Variants in DNTTIP1 observed in about 807,000 individuals in gnomAD.
DNTTIP1 encodes the protein deoxynucleotidyltransferase terminal-interacting protein 1.
Under a neutral mutation model 52.9 loss-of-function variants are expected in DNTTIP1, and 22 were observed. The observed-to-expected ratio is 0.42, with a 90% CI of 0.30 to 0.59. The LOEUF (loss-of-function observed/expected upper bound fraction) is 0.59, where lower values mean the gene tolerates loss of function less well. Ranked by LOEUF, DNTTIP1 falls within the 20% of genes least tolerant of loss-of-function variation. DNTTIP1 has a pLI of 0.22. For synonymous variants in DNTTIP1, 136 were observed against 155.1 expected (o/e 0.88, Z 0.92); for missense variants, 286 against 435.5 (o/e 0.66, Z 3.06).
At position 45,791,998 on chromosome 20, in the gene DNTTIP1, G is replaced by C. The variant is rs2664539; in HGVS notation, c.-7G>C. The C allele has an allele frequency of 4.9e-5, 62 of 1,253,272 alleles. No homozygotes were observed. The highest frequency in any genetic ancestry group is 6.2e-5 in the Non-Finnish European group (62 of 997,372). 77.6% of individuals were successfully genotyped at this position (1,253,272 alleles called of 1,614,324 possible). On this transcript the variant is annotated 5_prime_UTR_variant, in exon 1 of 13. Transcript: ENST00000372622. ...AGTCCAGCGGAGTTGTGGGGGCCGG[G>C]GGCGCCATGGGAGCCACTGGCGACG...
intron 4 of DNTTIP1, among the ~76,000 whole-genome samples, chr20:45,797,723 A>G (rs934080880): frequency 6.6e-6 from 1 of 152,270 alleles, no homozygotes; most frequent in Non-Finnish European, 1.5e-5. Flanking sequence ...CAAAAGACAC[A>G]TGAAAAAATG....
Position 45,808,997 on chromosome 20 carries a change from C to T in DNTTIP1, c.724-117C>T, listed in dbSNP as rs1026841503. 4.2e-5 allele frequency: 36 copies of T among 859,116 alleles called. No individual in the cohort carries two copies. In the Middle Eastern group the frequency reaches 9.1e-4, roughly 22 times the overall value. 53.2% of individuals were successfully genotyped at this position (859,116 alleles called of 1,614,324 possible). Reference sequence around the variant, plus strand: ...ATTAGTGAGCCCTCTAAGTCCACCACGCTTGGAGACAAGGACTTTTGGTAA... The same window carrying T: ...ATTAGTGAGCCCTCTAAGTCCACCATGCTTGGAGACAAGGACTTTTGGTAA... On this transcript the variant is annotated intron_variant, in intron 10 of 12. Transcript: ENST00000372622.
chr20:45,809,041 G>T lies in DNTTIP1; in HGVS notation c.724-73G>T. ...TTGGTAAGAACTGCTCAAGGGCCAAGAGTATGCTCTGGGACCAAATGAGAA... is the reference window on the plus strand; with the variant it reads ...TTGGTAAGAACTGCTCAAGGGCCAATAGTATGCTCTGGGACCAAATGAGAA... On this transcript the variant is annotated intron_variant, in intron 10 of 12. Coordinates refer to ENST00000372622, the MANE Select transcript of DNTTIP1 (RefSeq NM_052951.3). This position sits in a 1 kb window ranked among gnomAD's most constrained non-coding sequence, Gnocchi z 4.2. 1.5e-6 allele frequency: 2 copies of T among 1,346,844 alleles called. No individual in the cohort carries two copies. The highest frequency in any genetic ancestry group is 4.6e-5 in the East Asian group (2 of 43,348). The allele number at this position is 1,346,844 out of a possible 1,614,324, so 83.4% of individuals were successfully genotyped here.
Position 45,792,043 on chromosome 20 carries a change from T to C in DNTTIP1, c.39T>C (p.Pro13=), listed in dbSNP as rs2664591. The C allele has an allele frequency of 0.72, 916,839 of 1,279,006 alleles. 329,398 individuals carry two copies. The highest frequency in any genetic ancestry group is 0.79 in the Admixed American group (24,794 of 31,220). The allele number at this position is 1,279,006 out of a possible 1,614,324, so 79.2% of individuals were successfully genotyped here. The part of the protein sequence containing the change: ...ATGDAEQPRG[P]SGAERGGLEL... ...GCGACGCCGAGCAGCCGCGGGGACC[T>C]AGCGGGGCCGAGAGGGGCGGCTTGG... is the stretch of plus-strand genomic sequence containing the variant. Residue 13 remains proline, a synonymous_variant, in exon 1 of 13, where the codon CCT becomes CCC. Transcript: ENST00000372622.
chr20:45,795,924 T>G lies in DNTTIP1; in HGVS notation c.372+481T>G, dbSNP rs1408644127. The stretch of plus-strand genomic sequence containing the variant: ...GGGAAAGGAAGGGAAGTAGCTACTA[T>G]ATGTCAGGTACCAGGATAAATGCAT... On this transcript the variant is annotated intron_variant, in intron 4 of 12. Transcript: ENST00000372622. Among the ~76,000 whole-genome samples, 4 of 152,202 alleles carry G rather than the reference T, an allele frequency of 2.6e-5. No individual in the cohort carries two copies. In the East Asian group the frequency reaches 7.7e-4, roughly 29 times the overall value.
intron 8 of DNTTIP1, among the ~76,000 whole-genome samples, 169 bp from the exon 9 acceptor site, chr20:45,804,977 A>G (rs1981585141): frequency 6.6e-6 from 1 of 152,310 alleles, no homozygotes; most frequent in Non-Finnish European, 1.5e-5. Flanking sequence ...TATCCCCAGT[A>G]TCTAGCACAG....
intron 8 of DNTTIP1, among the ~76,000 whole-genome samples, 176 bp downstream of exon 8, chr20:45,803,554 T>C (rs11906429): frequency 0.46 from 70,005 of 152,052 alleles, 18,640 homozygotes; most frequent in Non-Finnish European, 0.6. Flanking sequence ...TGTGTAGGAA[T>C]TGGAGTTAGA....
intron 12 of DNTTIP1, 46 bp downstream of exon 12, chr20:45,810,986 A>T (rs1324212980): frequency 6.2e-7 from 1 of 1,613,704 alleles, no homozygotes; most frequent in Non-Finnish European, 8.5e-7. Flanking sequence ...CCTGCCTCCA[A>T]ATAGCCCCTA....
At chr20:45,803,774 CTG>C (rs1981550077) in intron 8 of DNTTIP1, among the ~76,000 whole-genome samples, 1 of 152,198 alleles carries the variant, frequency 6.6e-6, no homozygotes, top group Non-Finnish European at 1.5e-5. Flanking sequence ...GCCAGCTTCC[CTG>C]TGGGCATAAA....
chr20:45,801,006 A>T, intron 4 of DNTTIP1, 68 bp from the exon 5 acceptor site: 12 of 1,298,752 alleles, frequency 9.2e-6, no homozygotes, highest in Non-Finnish European at 1.3e-5. Flanking sequence ...AAAAAAAAAA[A>T]GGAAGTAGGT....
At chr20:45,796,846 C>G (rs1210010476) in intron 4 of DNTTIP1, among the ~76,000 whole-genome samples, 1 of 152,212 alleles carries the variant, frequency 6.6e-6, no homozygotes, top group Non-Finnish European at 1.5e-5. Context: ...TCAGTGACAT[C>G]TGTCACAATG....
At chr20:45,801,527 C>A in intron 6 of DNTTIP1, 69 bp downstream of exon 6, 1 of 1,543,730 alleles carries the variant, frequency 6.5e-7, no homozygotes, top group Non-Finnish European at 8.9e-7. Flanking sequence ...GTGGCTCACA[C>A]CTGTAATCCC....
At position 45,809,868 on chromosome 20, in the gene DNTTIP1, T is replaced by C. The variant is rs1216837479; in HGVS notation, c.795+683T>C. On this transcript the variant is annotated intron_variant, in intron 11 of 12. Transcript: ENST00000372622. The surrounding 1 kb of genome is among the most constrained non-coding windows in gnomAD (Gnocchi z 4.2). ...CTTTCTGGCAGTGAGAGCTACCTTTTATTTTATTTTACTACTCTATTTATG... is the reference window on the plus strand; with the variant it reads ...CTTTCTGGCAGTGAGAGCTACCTTTCATTTTATTTTACTACTCTATTTATG... 1.3e-5 allele frequency among the ~76,000 whole-genome samples: 2 copies of C among 152,192 alleles called. No individual in the cohort carries two copies. Among genetic ancestry groups the C allele is most frequent in the African/African-American group, 4.8e-5 (2 of 41,440 alleles).
At chr20:45,795,963 G>A (rs1981224849) in intron 4 of DNTTIP1, among the ~76,000 whole-genome samples, 1 of 152,010 alleles carries the variant, frequency 6.6e-6, no homozygotes, top group Non-Finnish European at 1.5e-5. Context: ...TTTTTTTTAT[G>A]TCTCAGAAGA....
At chr20:45,800,019 C>T in intron 4 of DNTTIP1, among the ~76,000 whole-genome samples, 1 of 149,396 alleles carries the variant, frequency 6.7e-6, no homozygotes, top group Admixed American at 6.7e-5. Flanking sequence ...ACTCAGGAGG[C>T]AGAGGCAGGA....
In DNTTIP1 at chr20:45,811,406, T is replaced by C. The variant is rs2145708766; in HGVS notation, c.*211T>C. The C allele has an allele frequency of 5.8e-6, 3 of 520,046 alleles. No individual in the cohort carries two copies. Among genetic ancestry groups the C allele is most frequent in the South Asian group, 3.2e-5 (1 of 31,522 alleles). The allele number at this position is 520,046 out of a possible 1,614,324, so 32.2% of individuals were successfully genotyped here. A position where few individuals can be genotyped will look rare whatever the true frequency, so the allele number is the denominator to read the frequency against. Reference sequence around the variant, plus strand: ...TGGGATAAGAAACAATTAAACAGTTTGTAGTAAACACAGATGGTGAACCTG... The same window carrying C: ...TGGGATAAGAAACAATTAAACAGTTCGTAGTAAACACAGATGGTGAACCTG... On this transcript the variant is annotated 3_prime_UTR_variant, in exon 13 of 13. Coordinates refer to ENST00000372622, the MANE Select transcript of DNTTIP1 (RefSeq NM_052951.3).
chr20:45,809,295 A>T lies in DNTTIP1; in HGVS notation c.795+110A>T. 1 of 907,004 alleles carries T rather than the reference A, an allele frequency of 1.1e-6. No individual in the cohort carries two copies. The highest frequency in any genetic ancestry group is 1.8e-6 in the Non-Finnish European group (1 of 558,606). The allele number at this position is 907,004 out of a possible 1,614,324, so 56.2% of individuals were successfully genotyped here. Reference sequence around the variant, plus strand: ...AAATCTGACTTCCAAAGCCTCACCAATGTGTGAGAAGAGAGACTTATAAGG... The same window carrying T: ...AAATCTGACTTCCAAAGCCTCACCATTGTGTGAGAAGAGAGACTTATAAGG... On this transcript the variant is annotated intron_variant, in intron 11 of 12. Coordinates refer to ENST00000372622, the MANE Select transcript of DNTTIP1 (RefSeq NM_052951.3). The surrounding 1 kb of genome is among the most constrained non-coding windows in gnomAD (Gnocchi z 4.2).
chr20:45,805,425 C>T, intron 10 of DNTTIP1, 59 bp downstream of exon 10: 1 of 1,561,554 alleles, frequency 6.4e-7, no homozygotes, highest in South Asian at 1.2e-5. Flanking sequence ...GGGAACTCCA[C>T]TCAGCACAGA....
chr20:45,810,308 C>T (rs1981781338), intron 11 of DNTTIP1, among the ~76,000 whole-genome samples: 1 of 152,194 alleles, frequency 6.6e-6, no homozygotes, highest in South Asian at 2.1e-4. Context: ...TGTGACAAAG[C>T]ATTTCTACAG....
Sources: gnomAD v4.1 joint callset for allele counts (sites outside exome capture counted in the v4.1 genomes callset) on GRCh38, gnomAD v4.1.1 for gene constraint, Gnocchi (gnomAD v3.1) non-coding constraint, MANE v1.5 for transcripts, NCBI Gene and HGNC (gene_info 2026-07-23, HGNC 2026-07-21) for gene names.